The following GCN1 variants were observed in gnomAD, a reference collection of about 807,000 sequenced individuals.
GCN1 encodes the protein stalled ribosome sensor GCN1.
In GCN1, 90 loss-of-function variants were observed where a neutral mutation model predicts 288.4. That is an observed-to-expected ratio of 0.31 (90% CI 0.26 to 0.37). The LOEUF is 0.37. GCN1 is among the 10% of genes least tolerant of loss of function. GCN1 has a pLI of 1.00. For missense variants in GCN1, 2,586 were observed against 3,419.9 expected, an observed-to-expected ratio of 0.76 and a Z score of 6.08; for synonymous variants, 1,386 against 1,420.2, an observed-to-expected ratio of 0.98 and a Z score of 0.54.
In GCN1 at chr12:120,134,588, G is replaced by A. The variant is rs1233617762; in HGVS notation, c.7147C>T (p.Pro2383Ser). The A allele has an allele frequency of 1.2e-6, 2 of 1,614,094 alleles. No individual in the cohort carries two copies. The highest frequency in any genetic ancestry group is 1.7e-5 in the Admixed American group (1 of 60,026). The stretch of plus-strand genomic sequence containing the variant: ...CCATTGAGCAGCTCTGTGAAGAGGG[G>A]GTCCACCTTAATGTGGATGGAAATG... ...KLISIHIKVD[P>S]LFTELLNGIR... The change falls in exon 52 of 58, where the codon CCC becomes TCC. Residue 2383 changes from proline (P) to serine (S), a missense_variant. Pro to Ser is a moderately conservative substitution (Grantham distance 74). Around this residue, in one of 8 missense-constraint regions of GCN1, gnomAD observed 355 missense variants for 431.1 expected, o/e 0.82. Transcript: ENST00000300648. This position sits in a 1 kb window ranked among gnomAD's most constrained non-coding sequence, Gnocchi z 5.0.
chr12:120,128,677 GT>G (rs1876701742), intron 57 of GCN1, among the ~76,000 whole-genome samples: 1 of 151,852 alleles, frequency 6.6e-6, no homozygotes, highest in African/African-American at 2.4e-5. Flanking sequence ...TGGGGACTGA[GT>G]GAACACAACT....
Position 120,129,259 on chromosome 12 carries a change from GC to G in GCN1, c.7890+16del, listed in dbSNP as rs568435329. 3.9e-3 allele frequency: 6,061 copies of G among 1,566,076 alleles called. 17 individuals are homozygous for G. Among genetic ancestry groups the G allele is most frequent in the Non-Finnish European group, 4.6e-3 (5,189 of 1,137,180 alleles). On this transcript the variant is annotated intron_variant, in intron 57 of 57. Transcript: ENST00000300648. ...AATGCTCACAGCACATCCTGGTGAG[GC>G]CCCCCAGGCTCCCACCTGAAACACC...
At chr12:120,145,974 T>G (rs1230482118) in intron 38 of GCN1, among the ~76,000 whole-genome samples, 1 of 152,158 alleles carries the variant, frequency 6.6e-6, no homozygotes, top group Non-Finnish European at 1.5e-5. Context: ...TTTTAAAAAT[T>G]AACAGTAATT....
intron 14 of GCN1, among the ~76,000 whole-genome samples, chr12:120,173,012 A>G (rs560261517): frequency 2.0e-5 from 3 of 151,914 alleles, no homozygotes; most frequent in East Asian, 3.9e-4. Context: ...CATTTTTAAT[A>G]AGTCCAGAGT....
In GCN1 at chr12:120,142,720, C is replaced by T. The variant is rs755006555; in HGVS notation, c.5616G>A (p.Ala1872=). 3.7e-6 allele frequency: 6 copies of T among 1,613,994 alleles called. No individual in the cohort carries two copies. The highest frequency in any genetic ancestry group is 1.7e-5 in the Admixed American group (1 of 60,030). ...GCTCTACCCCCAGGGCAGTGATGAT[C>T]GCCTGCAGCCAGTAGAAGGGGACAG... ...DNFGTAQSNK[A]IITALGVERR... The change falls in exon 44 of 58, where the codon GCG becomes GCA. Residue 1872 remains alanine (A), a splice_region_variant and synonymous_variant. Transcript: ENST00000300648. The surrounding 1 kb of genome is among the most constrained non-coding windows in gnomAD (Gnocchi z 4.9).
rs529635045 is a variant in GCN1, at chr12:120,171,106, A to G, written c.1367-785T>C. Reference sequence around the variant, plus strand: ...CAGTGAGCCGAGATTGTGCCATTGCACTCCAGCCTGGGTGACAGAACGAGA... The same window carrying G: ...CAGTGAGCCGAGATTGTGCCATTGCGCTCCAGCCTGGGTGACAGAACGAGA... On this transcript the variant is annotated intron_variant, in intron 14 of 57. Transcript: ENST00000300648. Among the ~76,000 whole-genome samples the G allele has an allele frequency of 8.4e-4, 120 of 142,172 alleles. 2 individuals carry two copies. Among genetic ancestry groups the G allele is most frequent in the Non-Finnish European group, 1.3e-3 (88 of 66,596 alleles). The allele number at this position is 142,172 out of a possible 152,430, so 93.3% of individuals were successfully genotyped here.
chr12:120,169,607 G>A (rs547633709), intron 15 of GCN1, among the ~76,000 whole-genome samples: 22 of 152,154 alleles, frequency 1.4e-4, no homozygotes, highest in Admixed American at 9.2e-4. Context: ...GGGTTCAAGC[G>A]ATTCTCCTGC....
At position 120,164,681 on chromosome 12, in the gene GCN1, A is replaced by G. The variant is rs1878044001; in HGVS notation, c.1653T>C (p.Leu551=). The change falls in exon 17 of 58, where the codon CTT becomes CTC. Residue 551 remains leucine (L), a synonymous_variant. Coordinates refer to ENST00000300648, the MANE Select transcript of GCN1 (RefSeq NM_006836.2). ...TGCCAGTGAGTCTATGCGGGTGGTCAAGGAAAAGTCTCTCTGTCAGATGCA... is the reference window on the plus strand; with the variant it reads ...TGCCAGTGAGTCTATGCGGGTGGTCGAGGAAAAGTCTCTCTGTCAGATGCA... ...TVLHLTERLF[L]DHPHRLTGNK... The G allele has an allele frequency of 1.9e-6, 3 of 1,613,850 alleles. No individual in the cohort carries two copies. The highest frequency in any genetic ancestry group is 1.1e-5 in the South Asian group (1 of 91,076).
In GCN1 at chr12:120,151,315, C is replaced by T; in HGVS notation, c.4139G>A (p.Arg1380Lys). The T allele has an allele frequency of 1.2e-6, 2 of 1,614,158 alleles. No individual in the cohort carries two copies. Among genetic ancestry groups the T allele is most frequent in the Non-Finnish European group, 1.7e-6 (2 of 1,180,018 alleles). The change falls in exon 34 of 58, where the codon AGG (arginine) becomes AAG (lysine). Residue 1380 changes from arginine to lysine, a missense_variant. Around this residue, in one of 8 missense-constraint regions of GCN1, gnomAD observed 332 missense variants for 403.0 expected, o/e 0.82. Transcript: ENST00000300648. ...TGACTCCAGCAGCTGCTGCATAAGC[C>T]TCTGGATCATCCCTCCAGCATCCTC... ...IKEDAGGMIQ[R>K]LMQQLLESDK...
Position 120,138,724 on chromosome 12 carries a change from C to T in GCN1, c.6127G>A (p.Asp2043Asn). Reference protein sequence around the residue: ...HSTIGHQALEDILPFLLKQLD... With the variant: ...HSTIGHQALENILPFLLKQLD... ...TGCTTTAGTAAAAATGGGAGAATGT[C>T]CTCCAGAGCCTGGTGGCCGATGGTG... is the stretch of plus-strand genomic sequence containing the variant. Residue 2043 changes from aspartate to asparagine, a missense_variant, in exon 46 of 58, where the codon GAC becomes AAC. By Grantham distance (23) the Asp-to-Asn change is conservative. Transcript: ENST00000300648. The T allele has an allele frequency of 6.2e-6, 10 of 1,614,150 alleles. No homozygotes were observed. The highest frequency in any genetic ancestry group is 8.5e-6 in the Non-Finnish European group (10 of 1,179,968).
At chr12:120,178,798 G>A in intron 6 of GCN1, 39 bp from the exon 7 acceptor site, 1 of 1,613,894 alleles carries the variant, frequency 6.2e-7, no homozygotes, top group South Asian at 1.1e-5. Context: ...TAAGATGGCA[G>A]TGGGGGAGTG....
intron 1 of GCN1, 59 bp downstream of exon 1, chr12:120,194,621 G>A: frequency 4.1e-6 from 6 of 1,477,176 alleles, no homozygotes; most frequent in Non-Finnish European, 5.4e-6. Context: ...GGCCCCGCCC[G>A]ACGGCCACCG....
chr12:120,132,346 T>C (rs1453641953), intron 53 of GCN1, among the ~76,000 whole-genome samples: 1 of 152,104 alleles, frequency 6.6e-6, no homozygotes, highest in African/African-American at 2.4e-5. Context: ...AGGCTGAATG[T>C]TTCATATTTA....
chr12:120,166,652 T>C (rs1393760563), intron 16 of GCN1, among the ~76,000 whole-genome samples: 7 of 132,890 alleles, frequency 5.3e-5, no homozygotes, highest in Non-Finnish European at 7.9e-5. Flanking sequence ...TGCAGTGAGC[T>C]GAGATCGCGC....
intron 14 of GCN1, among the ~76,000 whole-genome samples, chr12:120,172,195 T>C (rs751930064): frequency 6.6e-6 from 1 of 152,110 alleles, no homozygotes; most frequent in Non-Finnish European, 1.5e-5. Context: ...GGATGTGAGT[T>C]CACTATATCC....
At position 120,127,707 on chromosome 12, in the gene GCN1, G is replaced by A; in HGVS notation, c.*142C>T. ...TCAGTTGTGTGTGGGTTTGATTTAA[G>A]GCTTTGGCTGTGGTCTATTGATATT... is the stretch of plus-strand genomic sequence containing the variant. On this transcript the variant is annotated 3_prime_UTR_variant, in exon 58 of 58. Coordinates refer to ENST00000300648, the MANE Select transcript of GCN1 (RefSeq NM_006836.2). The A allele has an allele frequency of 1.1e-6, 1 of 909,618 alleles. No individual in the cohort carries two copies. The highest frequency in any genetic ancestry group is 1.7e-6 in the Non-Finnish European group (1 of 593,022). The allele number at this position is 909,618 out of a possible 1,614,324, so 56.3% of individuals were successfully genotyped here.
chr12:120,159,093 G>A (rs1005208999), intron 24 of GCN1, among the ~76,000 whole-genome samples: 1 of 152,144 alleles, frequency 6.6e-6, no homozygotes, highest in Non-Finnish European at 1.5e-5. Context: ...CAGCCTCAGA[G>A]GGCAGGTAGG....
chr12:120,144,548 CCCAG>C lies in GCN1; in HGVS notation c.5352+87_5352+90del. The C allele has an allele frequency of 6.4e-7, 1 of 1,558,616 alleles. No individual in the cohort carries two copies. Among genetic ancestry groups the C allele is most frequent in the Non-Finnish European group, 8.8e-7 (1 of 1,142,106 alleles). On this transcript the variant is annotated intron_variant, in intron 41 of 57. Transcript: ENST00000300648. This position sits in a 1 kb window ranked among gnomAD's most constrained non-coding sequence, Gnocchi z 4.7. ...AAGGCTGAGGGCTCTGCCAACCAACCCCAGCCAGCAGGGATCTCTAGCTCTCCAG... is the reference window on the plus strand; with the variant it reads ...AAGGCTGAGGGCTCTGCCAACCAACCCCAGCAGGGATCTCTAGCTCTCCAG...
chr12:120,161,918 G>C lies in GCN1; in HGVS notation c.2304C>G (p.Thr768=), dbSNP rs1187724327. 8 of 1,614,086 alleles carry C rather than the reference G, an allele frequency of 5.0e-6. No individual in the cohort carries two copies. Among genetic ancestry groups the C allele is most frequent in the Non-Finnish European group, 6.8e-6 (8 of 1,180,008 alleles). Residue 768 remains threonine (T), a synonymous_variant, in exon 21 of 58, where the codon ACC becomes ACG. Transcript: ENST00000300648. ...ATTTGTCATACAGCTCCCCAGCAGG[G>C]GTCTGCATAATGGCAAACTCCTCCC... The part of the protein sequence containing the change: ...VTREEFAIMQ[T]PAGELYDKSI...
Sources: allele counts gnomAD v4.1 joint callset (sites outside exome capture counted in the v4.1 genomes callset), GRCh38; gene constraint gnomAD v4.1.1; regional missense constraint gnomAD v4.1.1; non-coding constraint Gnocchi (gnomAD v3.1); transcripts MANE v1.5; gene names NCBI Gene and HGNC (gene_info 2026-07-23, HGNC 2026-07-21).